RASEF: variants seen among roughly 807,000 people sequenced by gnomAD.
The protein encoded by RASEF is RAS and EF-hand domain containing.
A neutral mutation model predicts 90.1 loss-of-function variants in RASEF; 68 were observed. The ratio of observed to expected loss-of-function variants is 0.75; its 90% CI spans 0.62 to 0.92. The LOEUF (loss-of-function observed/expected upper bound fraction) is 0.92, where lower values mean the gene tolerates loss of function less well. Among genes scored for constraint, RASEF ranks in the 40% least tolerant of loss-of-function variants. The pLI is 0.00. For missense variants in RASEF, 949 were observed against 937.2 expected (o/e 1.01, Z -0.16); for synonymous variants, 331 against 345.2 (o/e 0.96, Z 0.46).
chr9:83,040,110 G>C (rs1196087415), intron 1 of RASEF, among the ~76,000 whole-genome samples: 2 of 152,206 alleles, frequency 1.3e-5, no homozygotes, highest in East Asian at 3.9e-4. Context: ...ATGTGCCTTT[G>C]CTCCTCCCTC....
chr9:83,144,462 G>A, the RASEF span, among the ~76,000 whole-genome samples: 57 of 149,266 alleles, frequency 3.8e-4, no homozygotes, highest in Middle Eastern at 3.4e-3. Context: ...GAAAAGAGAA[G>A]AGAAAAGAAA....
the RASEF span, among the ~76,000 whole-genome samples, chr9:83,203,810 A>G: frequency 6.6e-6 from 1 of 152,138 alleles, no homozygotes; most frequent in African/African-American, 2.4e-5. Flanking sequence ...GAGGAAGTGC[A>G]TGGTGCCAGC....
At chr9:83,127,461 A>G in the RASEF span, among the ~76,000 whole-genome samples, 1 of 152,168 alleles carries the variant, frequency 6.6e-6, no homozygotes, top group African/African-American at 2.4e-5. Flanking sequence ...AAGCTGGGAA[A>G]GGAAAGTTGA....
At chr9:83,020,243 T>C (rs1198609992) in intron 3 of RASEF, among the ~76,000 whole-genome samples, 1 of 152,140 alleles carries the variant, frequency 6.6e-6, no homozygotes, top group East Asian at 1.9e-4. Flanking sequence ...CTCTGAGCTT[T>C]GCAGAATTTG....
Position 82,981,208 on chromosome 9 carries a change from C to A in RASEF, c.*1469G>T, listed in dbSNP as rs548368020. ...TAGATGAAGCAAGGTAAATTAGAAT[C>A]TTTTGTTGTAGCCCACCCTAGGCTC... On this transcript the variant is annotated 3_prime_UTR_variant, in exon 17 of 17. Coordinates refer to ENST00000376447, the MANE Select transcript of RASEF (RefSeq NM_152573.4). 1 of 152,174 alleles carries A rather than the reference C, an allele frequency of 6.6e-6. No individual in the cohort carries two copies. Among genetic ancestry groups the A allele is most frequent in the African/African-American group, 2.4e-5 (1 of 41,448 alleles). 9.4% of individuals were successfully genotyped at this position (152,174 alleles called of 1,614,324 possible).
the RASEF span, among the ~76,000 whole-genome samples, chr9:83,149,681 C>T: frequency 1.3e-5 from 2 of 152,140 alleles, no homozygotes; most frequent in Non-Finnish European, 2.9e-5. Context: ...TCAACTCTGG[C>T]CACCCCATGA....
At chr9:83,178,429 C>G in the RASEF span, among the ~76,000 whole-genome samples, 1 of 152,080 alleles carries the variant, frequency 6.6e-6, no homozygotes, top group African/African-American at 2.4e-5. Flanking sequence ...TTCTTTCTAC[C>G]TACTCTTAAG....
chr9:83,144,365 A>AAG, the RASEF span, among the ~76,000 whole-genome samples: 1 of 113,586 alleles, frequency 8.8e-6, no homozygotes, highest in African/African-American at 3.9e-5. Context: ...GAAAGAAAGA[A>AAG]AGAAAGAAAG....
At chr9:83,022,028 T>C (rs1829454094) in intron 3 of RASEF, among the ~76,000 whole-genome samples, 1 of 152,162 alleles carries the variant, frequency 6.6e-6, no homozygotes, top group Non-Finnish European at 1.5e-5. Flanking sequence ...TCATCTCTGA[T>C]GTTACCCCTT....
the RASEF span, among the ~76,000 whole-genome samples, chr9:83,120,123 G>T: frequency 1.1e-4 from 16 of 152,302 alleles, no homozygotes; most frequent in Admixed American, 9.2e-4. Flanking sequence ...CTTGCCAACT[G>T]CTGGAGGAAT....
chr9:83,165,790 A>G, the RASEF span, among the ~76,000 whole-genome samples: 1 of 152,148 alleles, frequency 6.6e-6, no homozygotes, highest in Non-Finnish European at 1.5e-5. Flanking sequence ...ATGACACACA[A>G]TACTAATATC....
the RASEF span, among the ~76,000 whole-genome samples, chr9:83,098,738 G>C: frequency 6.6e-6 from 1 of 152,202 alleles, no homozygotes; most frequent in Non-Finnish European, 1.5e-5. Context: ...AGCAGGCAAA[G>C]AGGGAGCTTG....
chr9:83,028,848 G>A (rs898383356), intron 1 of RASEF, among the ~76,000 whole-genome samples: 7 of 151,984 alleles, frequency 4.6e-5, no homozygotes, highest in South Asian at 2.1e-4. Flanking sequence ...GTTAAAATGC[G>A]GTCATTAGAA....
chr9:83,206,157 TTTTACTATTG>T, the RASEF span, among the ~76,000 whole-genome samples: 1 of 152,224 alleles, frequency 6.6e-6, no homozygotes, highest in Non-Finnish European at 1.5e-5. Context: ...AAATGTTATA[TTTTACTATTG>T]TTCATAACAA....
chr9:83,073,169 A>G, the RASEF span, among the ~76,000 whole-genome samples: 2 of 152,046 alleles, frequency 1.3e-5, no homozygotes, highest in Non-Finnish European at 2.9e-5. Context: ...TTCTTGGAGG[A>G]GTACCCTCCT....
At chr9:83,108,410 C>T in the RASEF span, among the ~76,000 whole-genome samples, 1 of 152,136 alleles carries the variant, frequency 6.6e-6, no homozygotes, top group Non-Finnish European at 1.5e-5. Flanking sequence ...CAGCCACACT[C>T]ATTTGTTGAC....
intron 1 of RASEF, chr9:83,055,587 T>G (rs1260630971): frequency 4.2e-6 from 3 of 711,690 alleles, no homozygotes; most frequent in Non-Finnish European, 7.8e-6. Context: ...TTGTCCAAAG[T>G]GTTTCTCTGC....
the RASEF span, among the ~76,000 whole-genome samples, chr9:83,108,437 T>G: frequency 1.3e-5 from 2 of 152,138 alleles, no homozygotes; most frequent in Non-Finnish European, 2.9e-5. Context: ...TGTATCTTCT[T>G]CAAAGCCTCC....
At chr9:83,120,613 T>G in the RASEF span, among the ~76,000 whole-genome samples, 1 of 152,202 alleles carries the variant, frequency 6.6e-6, no homozygotes, top group African/African-American at 2.4e-5. Flanking sequence ...CAGCTTTTCC[T>G]GACTGACACA....
Sources: allele counts gnomAD v4.1 joint callset (sites outside exome capture counted in the v4.1 genomes callset), GRCh38; gene constraint gnomAD v4.1.1; transcripts MANE v1.5; gene names NCBI Gene and HGNC (gene_info 2026-07-23, HGNC 2026-07-21).